The following PARP14 variants were observed in gnomAD, a reference collection of about 807,000 sequenced individuals.
PARP14 encodes protein mono-ADP-ribosyltransferase PARP14.
Under a neutral mutation model 154.2 loss-of-function variants are expected in PARP14, and 59 were observed. The observed-to-expected ratio is 0.38, with a 90% CI of 0.31 to 0.48. The LOEUF is 0.48. PARP14 is among the 20% of genes least tolerant of loss of function. PARP14 has a pLI of 0.98. For missense variants in PARP14, 1,734 were observed against 2,131.6 expected (o/e 0.81, Z 3.67); for synonymous variants, 720 against 780.5 (o/e 0.92, Z 1.29).
intron 3 of PARP14, among the ~76,000 whole-genome samples, chr3:122,688,485 T>C (rs1226334831): frequency 6.6e-6 from 1 of 152,180 alleles, no homozygotes; most frequent in African/African-American, 2.4e-5. Context: ...TCTAACCTGT[T>C]TTTACCCGAC....
At chr3:122,707,745 C>G (rs897512384) in intron 8 of PARP14, among the ~76,000 whole-genome samples, 2 of 152,138 alleles carry the variant, frequency 1.3e-5, no homozygotes, top group African/African-American at 4.8e-5. Flanking sequence ...CTGCAGTGAA[C>G]TGTGATCACG....
chr3:122,690,806 C>G (rs1289810337), intron 3 of PARP14, among the ~76,000 whole-genome samples: 2 of 152,212 alleles, frequency 1.3e-5, no homozygotes. Flanking sequence ...GCCACTGCGC[C>G]TGGCCACAAC....
In PARP14 at chr3:122,729,215, A is replaced by G. The variant is rs1933360180; in HGVS notation, c.*618A>G. On this transcript the variant is annotated 3_prime_UTR_variant, in exon 17 of 17. Transcript: ENST00000474629. ...ACTATCACTTTACCTCAAATTGAAC[A>G]GATTCCATGACGGAACTTCATTCTT... 1 of 152,850 alleles carries G rather than the reference A, an allele frequency of 6.5e-6. No homozygotes were observed. Among genetic ancestry groups the G allele is most frequent in the Middle Eastern group, 3.2e-3 (1 of 316 alleles). 9.5% of individuals were successfully genotyped at this position (152,850 alleles called of 1,614,324 possible). A position where few individuals can be genotyped will look rare whatever the true frequency, so the allele number is the denominator to read the frequency against.
chr3:122,690,619 C>A (rs934989213), intron 3 of PARP14, among the ~76,000 whole-genome samples: 15 of 152,206 alleles, frequency 9.9e-5, no homozygotes, highest in Middle Eastern at 3.2e-3. Flanking sequence ...TCAAGCGATT[C>A]TCCAGCCTCA....
At position 122,701,103 on chromosome 3, in the gene PARP14, A is replaced by G; in HGVS notation, c.2549A>G (p.Asp850Gly). The G allele has an allele frequency of 1.2e-6, 2 of 1,613,950 alleles. No individual in the cohort carries two copies. Among genetic ancestry groups the G allele is most frequent in the South Asian group, 1.1e-5 (1 of 91,078 alleles). Residue 850 changes from aspartate (D) to glycine (G), a missense_variant, in exon 6 of 17, where the codon GAC becomes GGC. Asp to Gly is a moderately conservative substitution (Grantham distance 94). Coordinates refer to ENST00000474629, the MANE Select transcript of PARP14 (RefSeq NM_017554.3). The surrounding 1 kb of genome is among the most constrained non-coding windows in gnomAD (Gnocchi z 4.0). ...GGCCCTGAGCTCCAGGCCGACTGTG[A>G]CCAGATAGTGAAGAGAGAGGGCAGA... ...AAGPELQADC[D>G]QIVKREGRLL...
intron 8 of PARP14, among the ~76,000 whole-genome samples, chr3:122,706,640 A>G (rs1374788449): frequency 6.6e-6 from 1 of 151,960 alleles, no homozygotes; most frequent in African/African-American, 2.4e-5. Flanking sequence ...TGCCTTACCT[A>G]CCTGGCTCCT....
Position 122,695,491 on chromosome 3 carries a change from A to G in PARP14, c.664A>G (p.Arg222Gly). The G allele has an allele frequency of 1.9e-6, 3 of 1,610,752 alleles. No individual in the cohort carries two copies. The highest frequency in any genetic ancestry group is 1.1e-5 in the South Asian group (1 of 90,534). The change falls in exon 5 of 17, where the codon AGA (arginine) becomes GGA (glycine). Residue 222 changes from arginine to glycine, a missense_variant. Physicochemically the swap from Arg to Gly is moderately radical, Grantham distance 125. Around this residue, in one of 2 missense-constraint regions of PARP14, gnomAD observed 1,646 missense variants for 1,976.0 expected, o/e 0.83. Transcript: ENST00000474629. ...AATTAAACAACTTCAGCTTTCTCCA[A>G]GACTTCTGGAAGTGACAAACACAAT... ...HSIKQLQLSP[R>G]LLEVTNTIRV...
At chr3:122,713,992 G>A in intron 11 of PARP14, 58 bp downstream of exon 11, 2 of 1,291,254 alleles carry the variant, frequency 1.5e-6, no homozygotes, top group Non-Finnish European at 2.3e-6. Context: ...GCTGTGGAGA[G>A]GCTGAGAAAA....
rs374726385 is a variant in PARP14 at position 122,707,764 on chromosome 3, A to G, written c.3541-426A>G. Among the ~76,000 whole-genome samples, 185 of 152,290 alleles carry G rather than the reference A, an allele frequency of 1.2e-3. 5 individuals are homozygous for G. In the South Asian group the frequency reaches 0.018, roughly 15 times the overall value. On this transcript the variant is annotated intron_variant, in intron 8 of 16. Coordinates refer to ENST00000474629, the MANE Select transcript of PARP14 (RefSeq NM_017554.3). ...AGTGAACTGTGATCACGCCTCTAGCATTCCAGCCTGGGCGACACCCCAGCC... is the reference window on the plus strand; with the variant it reads ...AGTGAACTGTGATCACGCCTCTAGCGTTCCAGCCTGGGCGACACCCCAGCC...
chr3:122,690,508 G>A (rs960012615), intron 3 of PARP14, among the ~76,000 whole-genome samples: 3 of 152,018 alleles, frequency 2.0e-5, no homozygotes, highest in Non-Finnish European at 2.9e-5. Context: ...CACAACACAA[G>A]TTTGTTTGTT....
rs1553747538 is a variant in PARP14 at position 122,709,900 on chromosome 3, T to TTTTG, written c.3619+1648_3619+1651dup. Among the ~76,000 whole-genome samples, 16 of 150,794 alleles carry TTTTG rather than the reference T, an allele frequency of 1.1e-4. No individual in the cohort carries two copies. In the East Asian group the frequency reaches 1.2e-3, roughly 11 times the overall value. On this transcript the variant is annotated intron_variant, in intron 9 of 16. Transcript: ENST00000474629. ...TTTTGATGGGATTATTTGTTTTTTT[T>TTTTG]TTTGTTTGTTTGTTTGTTTTTTCTT...
At position 122,728,749 on chromosome 3, in the gene PARP14, C is replaced by T. The variant is rs7648262; in HGVS notation, c.*152C>T. On this transcript the variant is annotated 3_prime_UTR_variant, in exon 17 of 17. Coordinates refer to ENST00000474629, the MANE Select transcript of PARP14 (RefSeq NM_017554.3). ...CTGAAGTCAGTCTTTCTTCAGCTTCCCTTTCATAATGGAAATGAACTTATT... is the reference window on the plus strand; with the variant it reads ...CTGAAGTCAGTCTTTCTTCAGCTTCTCTTTCATAATGGAAATGAACTTATT... 622,164 of 624,202 alleles carry T rather than the reference C, an allele frequency of 1. 310,103 individuals carry two copies. The highest frequency in any genetic ancestry group is 1 in the East Asian group (37,984 of 37,984). The allele number at this position is 624,202 out of a possible 1,614,324, so 38.7% of individuals were successfully genotyped here.
Position 122,729,808 on chromosome 3 carries a change from C to G in PARP14, c.*1211C>G, listed in dbSNP as rs969267052. On this transcript the variant is annotated 3_prime_UTR_variant, in exon 17 of 17. Transcript: ENST00000474629. ...TGCTACACATCTTCATTGTGAAACC[C>G]TTCCCCTGTGCTGAGATTAAATGAA... 1 of 152,138 alleles carries G rather than the reference C, an allele frequency of 6.6e-6. No individual in the cohort carries two copies. Among genetic ancestry groups the G allele is most frequent in the African/African-American group, 2.4e-5 (1 of 41,408 alleles). The allele number at this position is 152,138 out of a possible 1,614,324, so 9.4% of individuals were successfully genotyped here.
At chr3:122,683,761 GC>G (rs1938287120) in intron 1 of PARP14, among the ~76,000 whole-genome samples, 1 of 152,096 alleles carries the variant, frequency 6.6e-6, no homozygotes, top group African/African-American at 2.4e-5. Context: ...AAATACTTGT[GC>G]CCATAAATAT....
rs780235316 is a variant in PARP14, at chr3:122,700,100, GAT to G, written c.1547_1548del (p.Asp516GlyfsTer3). Reference protein sequence around the residue: ...QHLCLKGPSADVYKAKCEIQE... With the variant: ...QHLCLKGPSAXVYKAKCEIQE... ...CTTGTGCTTGAAAGGACCTAGTGCAGATGTGTATAAAGCAAAGTGTGAAATCC... is the reference window on the plus strand; with the variant it reads ...CTTGTGCTTGAAAGGACCTAGTGCAGGTGTATAAAGCAAAGTGTGAAATCC... On this transcript the variant is annotated frameshift_variant, in exon 6 of 17. Coordinates refer to ENST00000474629, the MANE Select transcript of PARP14 (RefSeq NM_017554.3). LOFTEE classifies it high-confidence loss of function. The G allele has an allele frequency of 6.2e-7, 1 of 1,613,738 alleles. No individual in the cohort carries two copies. The highest frequency in any genetic ancestry group is 8.5e-7 in the Non-Finnish European group (1 of 1,179,704).
At position 122,728,684 on chromosome 3, in the gene PARP14, T is replaced by A; in HGVS notation, c.*87T>A. 9.9e-7 allele frequency: 1 copy of A among 1,014,394 alleles called. No homozygotes were observed. The highest frequency in any genetic ancestry group is 1.5e-6 in the Non-Finnish European group (1 of 681,524). 62.8% of individuals were successfully genotyped at this position (1,014,394 alleles called of 1,614,324 possible). Reference sequence around the variant, plus strand: ...TTTTAGCTTTTTTTTTTAATTCCTCTTAACAGATTTTTCTAATATCCAAGG... The same window carrying A: ...TTTTAGCTTTTTTTTTTAATTCCTCATAACAGATTTTTCTAATATCCAAGG... On this transcript the variant is annotated 3_prime_UTR_variant, in exon 17 of 17. Transcript: ENST00000474629.
Position 122,718,135 on chromosome 3 carries a change from C to T in PARP14, c.4065C>T (p.Val1355=). 2.5e-6 allele frequency: 4 copies of T among 1,613,774 alleles called. No homozygotes were observed. Among genetic ancestry groups the T allele is most frequent in the Non-Finnish European group, 3.4e-6 (4 of 1,179,782 alleles). Residue 1355 remains valine (V), a synonymous_variant, in exon 13 of 17, where the codon GTC becomes GTT. Coordinates refer to ENST00000474629, the MANE Select transcript of PARP14 (RefSeq NM_017554.3). The stretch of plus-strand genomic sequence containing the variant: ...TAATTGATGCCATTGAAGACTTTGT[C>T]CAGAAAGGATCAGCCCAGTCTGTGA... ...EAIIDAIEDF[V]QKGSAQSVKK...
intron 3 of PARP14, among the ~76,000 whole-genome samples, chr3:122,687,821 T>G (rs572214180): frequency 1.3e-5 from 2 of 152,240 alleles, no homozygotes; most frequent in Non-Finnish European, 2.9e-5. Flanking sequence ...GCTAGAGAGA[T>G]AAAGTGGTAC....
chr3:122,724,373 A>G (rs1933234638), intron 15 of PARP14, among the ~76,000 whole-genome samples: 1 of 149,956 alleles, frequency 6.7e-6, no homozygotes, highest in African/African-American at 2.5e-5. Flanking sequence ...ATCATAGCTT[A>G]CTGCAGCTTC....
Sources: allele counts gnomAD v4.1 joint callset (sites outside exome capture counted in the v4.1 genomes callset), GRCh38; gene constraint gnomAD v4.1.1; regional missense constraint gnomAD v4.1.1; non-coding constraint Gnocchi (gnomAD v3.1); transcripts MANE v1.5; gene names NCBI Gene and HGNC (gene_info 2026-07-23, HGNC 2026-07-21).